Variants in ATRX observed in about 807,000 individuals in gnomAD.
ATRX encodes chromatin remodeler ATRX.
A neutral mutation model predicts 172.6 loss-of-function variants in ATRX; 12 were observed. That is an observed-to-expected ratio of 0.07 (90% confidence interval 0.04 to 0.11). ATRX has a LOEUF of 0.11. ATRX is among the 10% of genes least tolerant of loss of function. ATRX has a pLI of 1.00. For synonymous variants in ATRX, 674 were observed against 594.7 expected (o/e 1.13, Z -1.94); for missense variants, 1,368 against 1,767.4 (o/e 0.77, Z 4.05).
intron 30 of ATRX, among the ~76,000 whole-genome samples, chrX:77,557,082 T>G (rs1223369990): frequency 1.8e-5 from 2 of 112,096 alleles, no homozygotes; most frequent in Non-Finnish European, 3.8e-5. Flanking sequence ...ATTAACTGGT[T>G]TCCTGCAACC....
In ATRX at chrX:77,507,106, A is replaced by G. The variant is rs1357778714; in HGVS notation, c.*1245T>C. ...GGATTAAGAAAAAATAAAATGTAAT[A>G]CATTTTCTAGTAAAACTTCTAGTAA... is the stretch of plus-strand genomic sequence containing the variant. On this transcript the variant is annotated 3_prime_UTR_variant, in exon 35 of 35. Transcript: ENST00000373344. The G allele has an allele frequency of 2.4e-5, 4 of 169,927 alleles. No homozygotes were observed. Among genetic ancestry groups the G allele is most frequent in the African/African-American group, 1.2e-4 (4 of 33,127 alleles). 14.0% of individuals were successfully genotyped at this position (169,927 alleles called of 1,213,427 possible).
At chrX:77,730,831 G>C (rs1394783148) in intron 1 of ATRX, among the ~76,000 whole-genome samples, 1 of 110,595 alleles carries the variant, frequency 9.0e-6, no homozygotes, top group Non-Finnish European at 1.9e-5. Flanking sequence ...TACAGCAAAA[G>C]CATTACTAAA....
At chrX:77,665,564 T>C (rs1569536923) in intron 10 of ATRX, among the ~76,000 whole-genome samples, 1 of 111,662 alleles carries the variant, frequency 9.0e-6, no homozygotes, top group Non-Finnish European at 1.9e-5. Flanking sequence ...ACTAAAAGCA[T>C]AAGAAAACAC....
intron 30 of ATRX, among the ~76,000 whole-genome samples, chrX:77,543,073 G>T (rs1354465299): frequency 9.0e-6 from 1 of 111,248 alleles, no homozygotes; most frequent in Non-Finnish European, 1.9e-5. Context: ...TCTGACAAAG[G>T]GCTAATATCC....
At chrX:77,601,481 A>T (rs1411908191) in intron 22 of ATRX, among the ~76,000 whole-genome samples, 1 of 102,240 alleles carries the variant, frequency 9.8e-6, no homozygotes, top group Non-Finnish European at 2.0e-5. Flanking sequence ...TTGTCTCTTA[A>T]AAAAAAAAAA....
chrX:77,691,199 G>T (rs1472366151), intron 6 of ATRX: 1 of 111,988 alleles, frequency 8.9e-6, no homozygotes, highest in African/African-American at 3.2e-5. Flanking sequence ...ACATGCACAT[G>T]CATAAAACTT....
At chrX:77,643,728 T>G (rs1557112282) in intron 15 of ATRX, among the ~76,000 whole-genome samples, 2 of 110,308 alleles carry the variant, frequency 1.8e-5, no homozygotes, top group East Asian at 2.9e-4. Context: ...ACTTTTAAAT[T>G]TGGGACACTC....
Position 77,696,790 on chromosome X carries a change from G to A in ATRX, c.243-86C>T, listed in dbSNP as rs1263598318. The A allele has an allele frequency of 5.2e-6, 5 of 966,846 alleles. No individual in the cohort carries two copies. The African/African-American group carries it at 7.7e-5, about 15-fold the overall frequency. 79.7% of individuals were successfully genotyped at this position (966,846 alleles called of 1,213,427 possible). ...AGAACATAAATAACATGTTGAGATT[G>A]AGCAGTGGGTCTCAACAAGGAAGCA... On this transcript the variant is annotated intron_variant, in intron 4 of 34. Coordinates refer to ENST00000373344, the MANE Select transcript of ATRX (RefSeq NM_000489.6).
chrX:77,684,298 T>A lies in ATRX; in HGVS notation c.958A>T (p.Thr320Ser), dbSNP rs2071431525. 8.3e-7 allele frequency: 1 copy of A among 1,207,825 alleles called. No homozygotes were observed. Among genetic ancestry groups the A allele is most frequent in the East Asian group, 3.0e-5 (1 of 33,796 alleles). ...EHTSRFSPKKTSSNCNGEEKK... is the reference protein window; with the variant it reads ...EHTSRFSPKKSSSNCNGEEKK... ...TCTTCTCCATTACAATTTGAACTAG[T>A]CTTCTTTGGAGAAAATCTGGATGTA... The change falls in exon 9 of 35, where the codon ACT (threonine) becomes TCT (serine). Residue 320 changes from threonine (T) to serine (S), a missense_variant. Transcript: ENST00000373344.
At chrX:77,525,191 G>A (rs1460932105) in intron 30 of ATRX, among the ~76,000 whole-genome samples, 3 of 111,964 alleles carry the variant, frequency 2.7e-5, no homozygotes, top group African/African-American at 6.5e-5. Flanking sequence ...TCTCTCTCAC[G>A]CCAATGTAGA....
chrX:77,543,678 A>C (rs1321902338), intron 30 of ATRX, among the ~76,000 whole-genome samples: 1 of 111,268 alleles, frequency 9.0e-6, no homozygotes, highest in African/African-American at 3.3e-5. Context: ...TGAAACTGGA[A>C]ACCATCATTC....
chrX:77,520,717 T>C lies in ATRX; in HGVS notation c.7200+71A>G, dbSNP rs925720203. On this transcript the variant is annotated intron_variant, in intron 34 of 34. Coordinates refer to ENST00000373344, the MANE Select transcript of ATRX (RefSeq NM_000489.6). ...GTAGGAATAATTACTGACGTAGATG[T>C]CATACAAACTTATTATAAAGTCAAG... is the stretch of plus-strand genomic sequence containing the variant. 26 of 1,075,006 alleles carry C rather than the reference T, an allele frequency of 2.4e-5. No individual in the cohort carries two copies. The African/African-American group carries it at 4.2e-4, about 18-fold the overall frequency. The allele number at this position is 1,075,006 out of a possible 1,213,427, so 88.6% of individuals were successfully genotyped here.
At chrX:77,750,678 T>C (rs1255165686) in intron 1 of ATRX, among the ~76,000 whole-genome samples, 1 of 107,755 alleles carries the variant, frequency 9.3e-6, no homozygotes, top group Non-Finnish European at 1.9e-5. Flanking sequence ...CTCCCTCCCC[T>C]TGCCCCCCAA....
At chrX:77,671,295 T>C (rs1397986228) in intron 10 of ATRX, among the ~76,000 whole-genome samples, 1 of 101,822 alleles carries the variant, frequency 9.8e-6, no homozygotes, top group Non-Finnish European at 2.0e-5. Flanking sequence ...GTTTGAAATA[T>C]TTTTTTTTAG....
intron 2 of ATRX, among the ~76,000 whole-genome samples, chrX:77,714,283 T>A (rs1226697721): frequency 9.0e-6 from 1 of 111,255 alleles, no homozygotes; most frequent in Non-Finnish European, 1.9e-5. Flanking sequence ...AGGAACCTAG[T>A]CCTACTAACA....
intron 30 of ATRX, among the ~76,000 whole-genome samples, chrX:77,542,961 T>C (rs1267289334): frequency 4.5e-5 from 5 of 111,810 alleles, no homozygotes; most frequent in East Asian, 5.6e-4. Context: ...AATTGATAAA[T>C]GGGATGTAAT....
intron 27 of ATRX, among the ~76,000 whole-genome samples, chrX:77,578,503 G>A (rs2065709107): frequency 8.9e-6 from 1 of 112,217 alleles, no homozygotes; most frequent in Non-Finnish European, 1.9e-5. Context: ...GGGCAGAATC[G>A]TGAAGCCCCC....
intron 27 of ATRX, among the ~76,000 whole-genome samples, chrX:77,589,216 T>C (rs1449918807): frequency 8.9e-6 from 1 of 112,164 alleles, no homozygotes; most frequent in Non-Finnish European, 1.9e-5. Context: ...TATGAATCTA[T>C]TAGAAACATA....
At chrX:77,538,545 C>T (rs374897732) in intron 30 of ATRX, among the ~76,000 whole-genome samples, 6 of 111,057 alleles carry the variant, frequency 5.4e-5, no homozygotes, top group Middle Eastern at 4.6e-3. Flanking sequence ...GTGATGGTTA[C>T]GCTAAAAACC....
Sources: gnomAD v4.1 joint callset for allele counts (sites outside exome capture counted in the v4.1 genomes callset) on GRCh38, gnomAD v4.1.1 for gene constraint, MANE v1.5 for transcripts, NCBI Gene and HGNC (gene_info 2026-07-23, HGNC 2026-07-21) for gene names.